CELF4: variants seen among roughly 807,000 people sequenced by gnomAD.
CELF4 encodes CUGBP Elav-like family member 4.
CELF4 carries 18 observed loss-of-function variants against 59.9 expected under a neutral mutation model. That is an observed-to-expected ratio of 0.30 (90% CI 0.21 to 0.45). The LOEUF is 0.45. Ranked by LOEUF, CELF4 falls within the 20% of genes least tolerant of loss-of-function variation. CELF4 has a pLI of 1.00. For missense variants in CELF4, 456 were observed against 689.0 expected (o/e 0.66, Z 3.79); for synonymous variants, 261 against 267.1 (o/e 0.98, Z 0.22).
Position 37,244,137 on chromosome 18 carries a change from C to T in CELF4, c.*1105G>A, listed in dbSNP as rs1490581812. 1.3e-5 allele frequency: 2 copies of T among 150,820 alleles called. No individual in the cohort carries two copies. Among genetic ancestry groups the T allele is most frequent in the African/African-American group, 4.9e-5 (2 of 40,940 alleles). 9.3% of individuals were successfully genotyped at this position (150,820 alleles called of 1,614,324 possible). ...GGGATTTTAGCAGTAATGCTAACTTCTATAGGTTTTTTTTTTCCTTTTTTA... is the reference window on the plus strand; with the variant it reads ...GGGATTTTAGCAGTAATGCTAACTTTTATAGGTTTTTTTTTTCCTTTTTTA... On this transcript the variant is annotated 3_prime_UTR_variant, in exon 13 of 13. Coordinates refer to ENST00000420428, the MANE Select transcript of CELF4 (RefSeq NM_020180.4).
At chr18:37,294,504 G>A (rs1395260330) in intron 3 of CELF4, among the ~76,000 whole-genome samples, 3 of 152,192 alleles carry the variant, frequency 2.0e-5, no homozygotes, top group Non-Finnish European at 2.9e-5. Context: ...CAGCTTCCTT[G>A]CTCTGGCTCA....
intron 1 of CELF4, among the ~76,000 whole-genome samples, chr18:37,508,429 C>G (rs965467868): frequency 6.6e-6 from 1 of 152,186 alleles, no homozygotes. Context: ...GGCAGGTGTC[C>G]AGGTCTTGGG....
intron 2 of CELF4, among the ~76,000 whole-genome samples, chr18:37,397,003 TA>T (rs2099253258): frequency 6.6e-6 from 1 of 152,206 alleles, no homozygotes; most frequent in Non-Finnish European, 1.5e-5. Flanking sequence ...TTGGCCAAGC[TA>T]TTGGTGTGCC....
At chr18:37,534,191 G>C (rs2154605185) in intron 1 of CELF4, among the ~76,000 whole-genome samples, 1 of 152,294 alleles carries the variant, frequency 6.6e-6, no homozygotes, top group South Asian at 2.1e-4. Context: ...GATGTATCTA[G>C]TTGTCAGTTG....
At chr18:37,532,985 A>G (rs1393451638) in intron 1 of CELF4, among the ~76,000 whole-genome samples, 1 of 152,196 alleles carries the variant, frequency 6.6e-6, no homozygotes, top group Non-Finnish European at 1.5e-5. Context: ...CATTATCTGG[A>G]TATCTCTCAT....
intron 2 of CELF4, among the ~76,000 whole-genome samples, chr18:37,479,884 T>A (rs1165306057): frequency 1.3e-5 from 2 of 152,122 alleles, no homozygotes; most frequent in Non-Finnish European, 1.5e-5. Context: ...ACTGCTGTCT[T>A]CATAAAAAGG....
At chr18:37,472,092 A>T (rs560155825) in intron 2 of CELF4, among the ~76,000 whole-genome samples, 251 of 152,306 alleles carry the variant, frequency 1.6e-3, no homozygotes, top group Non-Finnish European at 2.5e-3. Flanking sequence ...GTGAACAGGG[A>T]GTGGAGAAGG....
At chr18:37,406,723 T>C (rs1001496006) in intron 2 of CELF4, among the ~76,000 whole-genome samples, 4 of 152,216 alleles carry the variant, frequency 2.6e-5, no homozygotes, top group African/African-American at 9.6e-5. Flanking sequence ...TTGCCTGTTA[T>C]ATGCAGCCTT....
At chr18:37,463,747 T>C (rs1180071053) in intron 2 of CELF4, among the ~76,000 whole-genome samples, 1 of 152,172 alleles carries the variant, frequency 6.6e-6, no homozygotes, top group African/African-American at 2.4e-5. Flanking sequence ...CCTTGCTCAG[T>C]GGGTCCCAGC....
chr18:37,258,029 A>G (rs2071226019), intron 11 of CELF4, among the ~76,000 whole-genome samples: 2 of 152,152 alleles, frequency 1.3e-5, no homozygotes, highest in Non-Finnish European at 1.5e-5. Flanking sequence ...TCAACAATAA[A>G]TACTTTTTAC....
At chr18:37,490,383 A>T (rs550890522) in intron 1 of CELF4, among the ~76,000 whole-genome samples, 48 of 151,214 alleles carry the variant, frequency 3.2e-4, no homozygotes, top group African/African-American at 1.0e-3. Context: ...CTTGAAAGGA[A>T]AAAAAAAATC....
chr18:37,334,756 G>A (rs1366452091), intron 2 of CELF4, among the ~76,000 whole-genome samples: 3 of 151,656 alleles, frequency 2.0e-5, no homozygotes, highest in African/African-American at 7.3e-5. Flanking sequence ...CTCTCCTGTG[G>A]CTCCCGGGCC....
intron 1 of CELF4, among the ~76,000 whole-genome samples, chr18:37,487,435 T>G (rs1209522428): frequency 1.3e-5 from 2 of 152,104 alleles, no homozygotes; most frequent in Non-Finnish European, 2.9e-5. Flanking sequence ...CGGAGAAATC[T>G]CTCTCCCTCT....
At chr18:37,367,979 G>A (rs1490345556) in intron 2 of CELF4, among the ~76,000 whole-genome samples, 1 of 152,034 alleles carries the variant, frequency 6.6e-6, no homozygotes, top group Non-Finnish European at 1.5e-5. Context: ...GGCTTGCTGA[G>A]AGGAGGCGGC....
chr18:37,356,238 T>C (rs1221119339), intron 2 of CELF4, among the ~76,000 whole-genome samples: 1 of 152,252 alleles, frequency 6.6e-6, no homozygotes, highest in Non-Finnish European at 1.5e-5. Context: ...AAAAATAGTA[T>C]GTGGCACTCA....
intron 2 of CELF4, among the ~76,000 whole-genome samples, chr18:37,436,533 A>C (rs572457614): frequency 1.4e-4 from 21 of 152,266 alleles, no homozygotes; most frequent in Non-Finnish European, 2.6e-4. Context: ...GCCAGGGCTG[A>C]CCTCTGCCCT....
At chr18:37,427,060 C>G (rs1022344240) in intron 2 of CELF4, among the ~76,000 whole-genome samples, 5 of 152,022 alleles carry the variant, frequency 3.3e-5, no homozygotes, top group African/African-American at 1.2e-4. Context: ...AGCTGGGCAC[C>G]CTGGGTGAAG....
intron 2 of CELF4, among the ~76,000 whole-genome samples, chr18:37,420,564 A>G (rs565513859): frequency 6.6e-6 from 1 of 152,168 alleles, no homozygotes; most frequent in Admixed American, 6.5e-5. Context: ...CACTCTGTCT[A>G]CCTCCTGGCT....
chr18:37,257,617 G>A (rs994740376), intron 11 of CELF4, among the ~76,000 whole-genome samples: 4 of 152,108 alleles, frequency 2.6e-5, no homozygotes, highest in African/African-American at 9.7e-5. Flanking sequence ...CTCCAGACTG[G>A]AAACTCCTTA....
Sources: allele counts gnomAD v4.1 joint callset (sites outside exome capture counted in the v4.1 genomes callset), GRCh38; gene constraint gnomAD v4.1.1; transcripts MANE v1.5; gene names NCBI Gene and HGNC (gene_info 2026-07-23, HGNC 2026-07-21).